Variants in PIK3AP1 observed in about 807,000 individuals in gnomAD.
PIK3AP1 encodes the protein phosphoinositide-3-kinase adaptor protein 1.
In PIK3AP1, 21 loss-of-function variants were observed where a neutral mutation model predicts 88.1. That is an observed-to-expected ratio of 0.24 (90% confidence interval 0.17 to 0.34). The LOEUF is 0.34. PIK3AP1 is among the 10% of genes least tolerant of loss of function. The pLI is 1.00. For synonymous variants in PIK3AP1, 398 were observed against 400.0 expected (o/e 1.00, Z 0.06); for missense variants, 828 against 1,035.7 (o/e 0.80, Z 2.75).
intron 6 of PIK3AP1, among the ~76,000 whole-genome samples, chr10:96,649,265 T>C (rs1054705101): frequency 6.6e-6 from 1 of 152,098 alleles, no homozygotes; most frequent in African/African-American, 2.4e-5. Context: ...GCTGGTCTCA[T>C]ACTCCTGACC....
chr10:96,611,124 A>G (rs373500904), intron 13 of PIK3AP1, among the ~76,000 whole-genome samples: 4 of 152,206 alleles, frequency 2.6e-5, no homozygotes, highest in East Asian at 3.9e-4. Flanking sequence ...CAGCGAGAGG[A>G]CAGGGCACAC....
At chr10:96,617,605 T>C (rs1168838228) in intron 12 of PIK3AP1, among the ~76,000 whole-genome samples, 2 of 152,180 alleles carry the variant, frequency 1.3e-5, no homozygotes, top group African/African-American at 4.8e-5. Context: ...CTATGGAGTA[T>C]GCCAGATGCA....
chr10:96,616,494 G>C (rs1382865397), intron 13 of PIK3AP1, 145 bp downstream of exon 13: 5 of 793,454 alleles, frequency 6.3e-6, no homozygotes. Context: ...GGCCTTTACA[G>C]TCTAGTGGGG....
chr10:96,656,909 G>A lies in PIK3AP1; in HGVS notation c.456C>T (p.Asp152=). Reference sequence around the variant, plus strand: ...CAACCTTCTCGTCCTCAGGCTCAGTGTCAGTGACTGAGTCACAGCCAGAAT... The same window carrying A: ...CAACCTTCTCGTCCTCAGGCTCAGTATCAGTGACTGAGTCACAGCCAGAAT... ...SEDSGCDSVT[D]TEPEDEKVVS... is the part of the protein sequence containing the mutation. The change falls in exon 3 of 17, where the codon GAC becomes GAT. Residue 152 remains aspartate, a synonymous_variant. Transcript: ENST00000339364. 1.9e-6 allele frequency: 3 copies of A among 1,613,992 alleles called. No individual in the cohort carries two copies. Among genetic ancestry groups the A allele is most frequent in the South Asian group, 2.2e-5 (2 of 91,080 alleles).
At chr10:96,621,468 T>C (rs1323048471) in intron 11 of PIK3AP1, 9 of 152,452 alleles carry the variant, frequency 5.9e-5, no homozygotes, top group Non-Finnish European at 1.0e-4. Flanking sequence ...GACACCTTGA[T>C]GGGCAGAGAG....
intron 15 of PIK3AP1, among the ~76,000 whole-genome samples, chr10:96,603,532 C>T (rs573746232): frequency 6.6e-6 from 1 of 152,148 alleles, no homozygotes; most frequent in African/African-American, 2.4e-5. Context: ...ACATCTTTCT[C>T]CCATGCTGCA....
chr10:96,632,951 G>T (rs550992752), intron 8 of PIK3AP1: 3 of 1,612,858 alleles, frequency 1.9e-6, no homozygotes, highest in Middle Eastern at 1.6e-4. Context: ...CAAGCTAGCA[G>T]GGCAGTGAAG....
At chr10:96,597,338 C>T (rs1848785177) in intron 16 of PIK3AP1, among the ~76,000 whole-genome samples, 1 of 12,434 alleles carries the variant, frequency 8.0e-5, no homozygotes, top group African/African-American at 1.7e-4. Context: ...TTCTTTCCTT[C>T]CCTCCCTCCC....
At chr10:96,719,129 A>T (rs1244360652) in intron 1 of PIK3AP1, among the ~76,000 whole-genome samples, 1 of 152,156 alleles carries the variant, frequency 6.6e-6, no homozygotes, top group Admixed American at 6.5e-5. Flanking sequence ...TTCACAACAC[A>T]GCTTCTTTTA....
chr10:96,698,139 A>G (rs1844246451), intron 2 of PIK3AP1, among the ~76,000 whole-genome samples: 1 of 152,242 alleles, frequency 6.6e-6, no homozygotes, highest in Admixed American at 6.5e-5. Context: ...CTGTCCTCAC[A>G]AAGGCTGCCA....
chr10:96,606,890 G>A (rs1168902212), intron 14 of PIK3AP1, among the ~76,000 whole-genome samples: 1 of 152,052 alleles, frequency 6.6e-6, no homozygotes, highest in Admixed American at 6.6e-5. Context: ...AGTATAATAC[G>A]ATTCTTAAGA....
chr10:96,691,081 C>G (rs1844148209), intron 2 of PIK3AP1, among the ~76,000 whole-genome samples: 1 of 152,190 alleles, frequency 6.6e-6, no homozygotes, highest in South Asian at 2.1e-4. Context: ...CTGCCCATAG[C>G]TTGCTTAATT....
chr10:96,608,553 C>G (rs1849042345), intron 14 of PIK3AP1, among the ~76,000 whole-genome samples: 2 of 152,182 alleles, frequency 1.3e-5, no homozygotes, highest in African/African-American at 4.8e-5. Context: ...GGCTATGTAA[C>G]CTTGGGCAAA....
At chr10:96,645,039 T>C (rs186553060) in intron 8 of PIK3AP1, among the ~76,000 whole-genome samples, 1 of 152,348 alleles carries the variant, frequency 6.6e-6, no homozygotes, top group East Asian at 1.9e-4. Flanking sequence ...GAGTATGTCC[T>C]CTTCTTTAAT....
At chr10:96,675,185 AC>A (rs1843901393) in intron 2 of PIK3AP1, among the ~76,000 whole-genome samples, 1 of 118,036 alleles carries the variant, frequency 8.5e-6, no homozygotes, top group Admixed American at 1.2e-4. Flanking sequence ...GAGCCACTGC[AC>A]CCGGCCATAT....
At chr10:96,668,294 A>C (rs1843793623) in intron 2 of PIK3AP1, among the ~76,000 whole-genome samples, 2 of 152,238 alleles carry the variant, frequency 1.3e-5, no homozygotes, top group Non-Finnish European at 2.9e-5. Flanking sequence ...TGAATTTAAG[A>C]AAATAGTAGC....
intron 2 of PIK3AP1, among the ~76,000 whole-genome samples, chr10:96,677,676 G>A (rs935407412): frequency 6.6e-5 from 10 of 151,056 alleles, no homozygotes; most frequent in Admixed American, 2.0e-4. Flanking sequence ...AACACAGTTT[G>A]GTCACGTGCA....
intron 16 of PIK3AP1, 96 bp from the exon 17 acceptor site, chr10:96,595,730 A>G (rs1848743168): frequency 1.7e-6 from 2 of 1,177,724 alleles, no homozygotes; most frequent in Non-Finnish European, 2.5e-6. Context: ...ATACTATGCA[A>G]AGGACACAAT....
chr10:96,635,388 A>G (rs926305357), intron 8 of PIK3AP1, among the ~76,000 whole-genome samples: 2 of 152,238 alleles, frequency 1.3e-5, no homozygotes, highest in African/African-American at 4.8e-5. Context: ...GCACTGCCTT[A>G]AAAGAAGTTA....
Sources: allele counts gnomAD v4.1 joint callset (sites outside exome capture counted in the v4.1 genomes callset), GRCh38; gene constraint gnomAD v4.1.1; transcripts MANE v1.5; gene names NCBI Gene and HGNC (gene_info 2026-07-23, HGNC 2026-07-21).